The following MID2 variants were observed in gnomAD, a reference collection of about 807,000 sequenced individuals.
The protein encoded by MID2 is probable E3 ubiquitin-protein ligase MID2.
A neutral mutation model predicts 46.1 loss-of-function variants in MID2; 13 were observed. The ratio of observed to expected loss-of-function variants is 0.28; its 90% confidence interval spans 0.18 to 0.45. The LOEUF (loss-of-function observed/expected upper bound fraction) is 0.45, where lower values mean the gene tolerates loss of function less well. MID2 is among the 20% of genes least tolerant of loss of function. MID2 has a pLI of 1.00. For missense variants in MID2, 431 were observed against 575.4 expected (o/e 0.75, Z 2.57); for synonymous variants, 199 against 212.3 (o/e 0.94, Z 0.55).
chrX:107,853,750 C>T (rs1033561169), intron 2 of MID2, among the ~76,000 whole-genome samples: 1 of 111,033 alleles, frequency 9.0e-6, no homozygotes, highest in African/African-American at 3.3e-5. Flanking sequence ...TCCTGAAGGA[C>T]CCTACTGATA....
chrX:107,842,117 T>C (rs768143014), intron 2 of MID2, among the ~76,000 whole-genome samples: 25 of 112,603 alleles, frequency 2.2e-4, no homozygotes, highest in East Asian at 1.9e-3. Flanking sequence ...TTTTATCCAG[T>C]ATCAAATTTT....
At position 107,905,535 on chromosome X, in the gene MID2, C is replaced by T. The variant is rs185574339; in HGVS notation, c.982C>T (p.Arg328Trp). 1.3e-5 allele frequency: 16 copies of T among 1,204,807 alleles called. No homozygotes were observed. The highest frequency in any genetic ancestry group is 2.2e-5 in the Admixed American group (1 of 45,600). The change falls in exon 5 of 10, where the codon CGG (arginine) becomes TGG (tryptophan). Residue 328 changes from arginine (R) to tryptophan (W), a missense_variant. Coordinates refer to ENST00000262843, the MANE Select transcript of MID2 (RefSeq NM_012216.4). ...TGCTAATTGCCGCCAGTGTCTTGAACGGTCAACAGTCCTCATCAACCAAGC... is the reference window on the plus strand; with the variant it reads ...TGCTAATTGCCGCCAGTGTCTTGAATGGTCAACAGTCCTCATCAACCAAGC... Reference protein sequence around the residue: ...QVANCRQCLERSTVLINQAEH... With the variant: ...QVANCRQCLEWSTVLINQAEH...
At chrX:107,829,767 T>A (rs1218025973) in intron 1 of MID2, among the ~76,000 whole-genome samples, 1 of 111,696 alleles carries the variant, frequency 9.0e-6, no homozygotes, top group Non-Finnish European at 1.9e-5. Context: ...AGGGTGGTTG[T>A]GTCCCTCTTA....
At chrX:107,857,821 T>C (rs1288512999) in intron 3 of MID2, among the ~76,000 whole-genome samples, 1 of 112,118 alleles carries the variant, frequency 8.9e-6, no homozygotes, top group African/African-American at 3.2e-5. Flanking sequence ...TTATATGTAA[T>C]CCAGATTCAT....
intron 1 of MID2, among the ~76,000 whole-genome samples, chrX:107,829,598 C>G (rs1002384520): frequency 8.9e-6 from 1 of 112,075 alleles, no homozygotes; most frequent in Non-Finnish European, 1.9e-5. Flanking sequence ...TATTAAGCAC[C>G]TATAATGTGC....
intron 1 of MID2, among the ~76,000 whole-genome samples, chrX:107,836,287 G>A (rs897570584): frequency 1.8e-5 from 2 of 109,550 alleles, no homozygotes; most frequent in African/African-American, 6.7e-5. Context: ...ACGGAGCCTC[G>A]CTCTGTTGCC....
chrX:107,865,839 A>G (rs73529332), intron 3 of MID2, among the ~76,000 whole-genome samples: 2,123 of 112,679 alleles, frequency 0.019, 50 homozygotes, highest in African/African-American at 0.064. Flanking sequence ...CGCATAGAAC[A>G]ACATAGTTCC....
chrX:107,914,130 C>T (rs1382167667), intron 5 of MID2, among the ~76,000 whole-genome samples: 1 of 112,166 alleles, frequency 8.9e-6, no homozygotes, highest in Non-Finnish European at 1.9e-5. Context: ...CTATTGCCCA[C>T]GTAATGTCTT....
At chrX:107,870,401 T>C (rs184653231) in intron 3 of MID2, among the ~76,000 whole-genome samples, 28 of 110,750 alleles carry the variant, frequency 2.5e-4, no homozygotes, top group African/African-American at 8.5e-4. Context: ...GTGAGAATGA[T>C]TTGTTCTTTC....
intron 3 of MID2, among the ~76,000 whole-genome samples, chrX:107,859,952 A>G (rs750996985): frequency 1.3e-4 from 14 of 111,975 alleles, no homozygotes; most frequent in Middle Eastern, 9.1e-3. Flanking sequence ...AGGTGTTTAG[A>G]CTTTAACCTG....
At chrX:107,871,555 CT>C (rs1569465520) in intron 3 of MID2, among the ~76,000 whole-genome samples, 1 of 111,704 alleles carries the variant, frequency 9.0e-6, no homozygotes, top group Non-Finnish European at 1.9e-5. Context: ...GCCTTTTGCA[CT>C]TGCACTTGAG....
intron 1 of MID2, among the ~76,000 whole-genome samples, chrX:107,835,793 G>A (rs985005200): frequency 2.7e-5 from 3 of 111,632 alleles, no homozygotes; most frequent in East Asian, 2.8e-4. Context: ...AAATATTTGC[G>A]CCTAGTCTGT....
intron 3 of MID2, among the ~76,000 whole-genome samples, chrX:107,857,350 G>A (rs1402058041): frequency 9.4e-6 from 1 of 105,897 alleles, no homozygotes; most frequent in Non-Finnish European, 1.9e-5. Context: ...GCACAATCTC[G>A]GCTCACTGCA....
chrX:107,852,334 C>T (rs1931645805), intron 2 of MID2, among the ~76,000 whole-genome samples: 1 of 112,407 alleles, frequency 8.9e-6, no homozygotes, highest in Non-Finnish European at 1.9e-5. Context: ...AGTCACTGTA[C>T]CTTGAACAGA....
chrX:107,826,283 G>GGCGGCGGCCTACAGTGGTA lies in MID2; in HGVS notation c.-135_-117dup. On this transcript the variant is annotated 5_prime_UTR_variant, in exon 1 of 10. Transcript: ENST00000262843. ...GGTAGCGGCAGCGGCGGCGAAGGCG[G>GGCGGCGGCCTACAGTGGTA]GCGGCGGCCTACAGTGGTAGCGGCG... 1.0e-5 allele frequency: 6 copies of GGCGGCGGCCTACAGTGGTA among 600,236 alleles called. No individual in the cohort carries two copies. Among genetic ancestry groups the GGCGGCGGCCTACAGTGGTA allele is most frequent in the Non-Finnish European group, 1.3e-5 (6 of 451,958 alleles). 49.5% of individuals were successfully genotyped at this position (600,236 alleles called of 1,213,427 possible).
At chrX:107,908,707 AAAAAAAAG>A (rs1932857722) in intron 5 of MID2, among the ~76,000 whole-genome samples, 1 of 107,614 alleles carries the variant, frequency 9.3e-6, no homozygotes, top group African/African-American at 3.4e-5. Context: ...AAAAAAAAAA[AAAAAAAAG>A]CCTGCATCTG....
chrX:107,888,252 G>T (rs1932511250), intron 3 of MID2, among the ~76,000 whole-genome samples: 1 of 111,888 alleles, frequency 8.9e-6, no homozygotes, highest in Non-Finnish European at 1.9e-5. Flanking sequence ...GCTTTCTCTT[G>T]TGGGCATTTA....
intron 3 of MID2, among the ~76,000 whole-genome samples, chrX:107,879,599 A>T (rs966489747): frequency 2.2e-4 from 25 of 111,821 alleles, no homozygotes; most frequent in Non-Finnish European, 4.1e-4. Context: ...AAAAGGCAGC[A>T]TTCAAGAGGG....
chrX:107,856,246 C>T lies in MID2; in HGVS notation c.816+1542C>T, dbSNP rs1767256941. On this transcript the variant is annotated intron_variant, in intron 3 of 9. Coordinates refer to ENST00000262843, the MANE Select transcript of MID2 (RefSeq NM_012216.4). ...AGCTAATCAGAATCCCTCTAATGTT[C>T]CACTCTGTCAAAGTTTCTCATTATG... 3.6e-5 allele frequency among the ~76,000 whole-genome samples: 4 copies of T among 111,647 alleles called. No homozygotes were observed. In the South Asian group the frequency reaches 1.5e-3, roughly 43 times the overall value.
Sources: allele counts gnomAD v4.1 joint callset (sites outside exome capture counted in the v4.1 genomes callset), GRCh38; gene constraint gnomAD v4.1.1; transcripts MANE v1.5; gene names NCBI Gene and HGNC (gene_info 2026-07-23, HGNC 2026-07-21).